COL25A1: variants seen among roughly 807,000 people sequenced by gnomAD.
The protein encoded by COL25A1 is collagen type XXV alpha 1 chain, also known as collagen alpha-1(XXV) chain.
A neutral mutation model predicts 128.4 loss-of-function variants in COL25A1; 103 were observed. The observed-to-expected ratio is 0.80, with a 90% CI of 0.68 to 0.94. The LOEUF is 0.94. COL25A1 is among the 40% of genes least tolerant of loss of function. The pLI is 0.00. For synonymous variants in COL25A1, 279 were observed against 277.2 expected, an observed-to-expected ratio of 1.01 and a Z score of -0.06; for missense variants, 745 against 840.0, an observed-to-expected ratio of 0.89 and a Z score of 1.40.
At chr4:108,935,584 C>A (rs1463405073) in intron 11 of COL25A1, among the ~76,000 whole-genome samples, 1 of 150,888 alleles carries the variant, frequency 6.6e-6, no homozygotes, top group Non-Finnish European at 1.5e-5. Context: ...AAAAATAACA[C>A]GAACTAAATC....
chr4:109,018,877 C>A (rs946224956), intron 5 of COL25A1, among the ~76,000 whole-genome samples: 14 of 152,178 alleles, frequency 9.2e-5, no homozygotes, highest in African/African-American at 3.4e-4. Flanking sequence ...ATTCTCTTGG[C>A]TTCTGTTCAC....
At chr4:109,224,474 A>G (rs1778647573) in intron 3 of COL25A1, among the ~76,000 whole-genome samples, 1 of 152,164 alleles carries the variant, frequency 6.6e-6, no homozygotes, top group African/African-American at 2.4e-5. Context: ...GTTTGTCTAT[A>G]TTGTATTATG....
At position 108,940,519 on chromosome 4, in the gene COL25A1, T is replaced by A. The variant is rs185553720; in HGVS notation, c.672+20A>T. ...ATGAAGCAAAACGTGTGAGAATAAG[T>A]GATCCAAAAAGCGACTCACGGGTAC... is the stretch of plus-strand genomic sequence containing the variant. On this transcript the variant is annotated intron_variant, in intron 10 of 37. Coordinates refer to ENST00000399132, the MANE Select transcript of COL25A1 (RefSeq NM_198721.4). 2 of 1,593,266 alleles carry A rather than the reference T, an allele frequency of 1.3e-6. No homozygotes were observed. The highest frequency in any genetic ancestry group is 4.5e-5 in the East Asian group (2 of 44,782).
chr4:108,819,385 A>C (rs1178506656), intron 35 of COL25A1, 56 bp from the exon 36 acceptor site: 11 of 1,409,636 alleles, frequency 7.8e-6, no homozygotes, highest in Non-Finnish European at 1.1e-5. Context: ...CTTAAGCACA[A>C]ATTCTGCGAA....
intron 30 of COL25A1, among the ~76,000 whole-genome samples, chr4:108,843,805 T>C (rs992485657): frequency 7.9e-5 from 12 of 152,178 alleles, no homozygotes; most frequent in African/African-American, 2.9e-4. Flanking sequence ...TGATACCTTA[T>C]ACATAAATGT....
At chr4:108,815,066 A>G (rs971586122) in intron 37 of COL25A1, among the ~76,000 whole-genome samples, 4 of 152,122 alleles carry the variant, frequency 2.6e-5, no homozygotes, top group Admixed American at 1.3e-4. Context: ...CTTTTTCCAA[A>G]CCCTCACTTA....
At chr4:109,253,629 A>T (rs937122489) in intron 3 of COL25A1, among the ~76,000 whole-genome samples, 1 of 152,194 alleles carries the variant, frequency 6.6e-6, no homozygotes, top group Non-Finnish European at 1.5e-5. Flanking sequence ...CACAAAATTA[A>T]CTATCATACC....
At chr4:108,915,523 C>A (rs184954353) in intron 13 of COL25A1, among the ~76,000 whole-genome samples, 290 of 152,162 alleles carry the variant, frequency 1.9e-3, no homozygotes, top group African/African-American at 6.7e-3. Flanking sequence ...AAATAGTATA[C>A]TTTTCTTTCT....
intron 6 of COL25A1, among the ~76,000 whole-genome samples, chr4:108,987,247 A>G (rs1753737649): frequency 6.6e-6 from 1 of 151,712 alleles, no homozygotes; most frequent in South Asian, 2.1e-4. Flanking sequence ...CTTCAATACC[A>G]TCTATTCTCA....
rs183375373 is a variant in COL25A1, at chr4:109,162,378, G to T, written c.368-112199C>A. Among the ~76,000 whole-genome samples the T allele has an allele frequency of 2.0e-5, 3 of 152,292 alleles. No individual in the cohort carries two copies. In the East Asian group the frequency reaches 5.8e-4, roughly 29 times the overall value. On this transcript the variant is annotated intron_variant, in intron 3 of 37. Transcript: ENST00000399132. ...AGTGCTCAGAAATTAATTTGTTAAG[G>T]TCAGCAGTCTAATGCAGAAGAGCGA... is the stretch of plus-strand genomic sequence containing the variant.
At chr4:109,043,603 G>A (rs549157860) in intron 5 of COL25A1, among the ~76,000 whole-genome samples, 2 of 151,942 alleles carry the variant, frequency 1.3e-5, no homozygotes, top group Non-Finnish European at 1.5e-5. Context: ...AAGGTCTCCT[G>A]GCTCTTTTCT....
At chr4:108,879,391 T>TC (rs1157866103) in intron 19 of COL25A1, among the ~76,000 whole-genome samples, 1 of 152,016 alleles carries the variant, frequency 6.6e-6, no homozygotes, top group Non-Finnish European at 1.5e-5. Flanking sequence ...CATGTTTTTT[T>TC]TTCCCCCAAT....
At chr4:109,203,121 C>T (rs1486274986) in intron 3 of COL25A1, among the ~76,000 whole-genome samples, 1 of 152,074 alleles carries the variant, frequency 6.6e-6, no homozygotes, top group African/African-American at 2.4e-5. Flanking sequence ...CACACAAAAC[C>T]ATACCATACT....
At chr4:108,988,835 G>A (rs573877274) in intron 6 of COL25A1, among the ~76,000 whole-genome samples, 3 of 152,244 alleles carry the variant, frequency 2.0e-5, no homozygotes, top group South Asian at 4.1e-4. Flanking sequence ...CTGGGTCTTC[G>A]ACTAATGGGG....
chr4:108,951,678 G>A (rs975921533), intron 8 of COL25A1, among the ~76,000 whole-genome samples: 12 of 152,094 alleles, frequency 7.9e-5, no homozygotes, highest in Admixed American at 5.2e-4. Context: ...AAGCCACCGC[G>A]CCCAGCCAAA....
chr4:108,903,474 G>A (rs529296481), intron 13 of COL25A1, among the ~76,000 whole-genome samples: 1 of 152,062 alleles, frequency 6.6e-6, no homozygotes, highest in South Asian at 2.1e-4. Flanking sequence ...AGTCAGGTGT[G>A]ACCACTTGTT....
chr4:109,302,001 C>A lies in COL25A1; in HGVS notation c.19G>T (p.Ala7Ser), dbSNP rs760490967. The part of the protein sequence containing the change: MLLKKH[A>S]GKGGGREPRS... ...GGCTCCCGGCCCCCTCCTTTCCCTG[C>A]GTGCTTCTTCAGCAGCATCGTGGCG... is the stretch of plus-strand genomic sequence containing the variant. Residue 7 changes from alanine to serine, a missense_variant, in exon 2 of 38, where the codon GCA becomes TCA. Physicochemically the swap from Ala to Ser is moderately conservative, Grantham distance 99 (BLOSUM62 1). This residue lies in a region of COL25A1 where 319 missense variants were observed against 324.9 expected (regional missense o/e 0.98). Coordinates refer to ENST00000399132, the MANE Select transcript of COL25A1 (RefSeq NM_198721.4). 1.3e-6 allele frequency: 2 copies of A among 1,597,250 alleles called. No individual in the cohort carries two copies. Among genetic ancestry groups the A allele is most frequent in the East Asian group, 2.2e-5 (1 of 44,646 alleles).
At chr4:109,033,000 T>C (rs1759010035) in intron 5 of COL25A1, among the ~76,000 whole-genome samples, 1 of 152,174 alleles carries the variant, frequency 6.6e-6, no homozygotes, top group Admixed American at 6.5e-5. Flanking sequence ...ATAATTGGTG[T>C]GCACAAGTAA....
At chr4:108,991,015 A>G (rs1754176482) in intron 6 of COL25A1, among the ~76,000 whole-genome samples, 1 of 152,240 alleles carries the variant, frequency 6.6e-6, no homozygotes, top group Admixed American at 6.5e-5. Flanking sequence ...ATATAAAATT[A>G]TCATTAAATC....
Sources: gnomAD v4.1 joint callset for allele counts (sites outside exome capture counted in the v4.1 genomes callset) on GRCh38, gnomAD v4.1.1 for gene constraint, gnomAD v4.1.1 regional missense constraint, MANE v1.5 for transcripts, NCBI Gene and HGNC (gene_info 2026-07-23, HGNC 2026-07-21) for gene names.